Variants in RTKN2 observed in about 807,000 individuals in gnomAD.
RTKN2 encodes rhotekin-2.
A neutral mutation model predicts 71.5 loss-of-function variants in RTKN2; 69 were observed. That is an observed-to-expected ratio of 0.96 (90% CI 0.79 to 1.18). RTKN2 has a LOEUF of 1.18. Among genes scored for constraint, RTKN2 ranks in the 50% most tolerant of loss-of-function variants. The pLI is 0.00. For synonymous variants in RTKN2, 236 were observed against 236.5 expected (o/e 1.00, Z 0.02); for missense variants, 724 against 719.7 (o/e 1.01, Z -0.07).
Position 62,248,069 on chromosome 10 carries a change from T to C in RTKN2, c.258-2012A>G, listed in dbSNP as rs370898462. ...TTGCTGAATATTTACCAAGAAAAAT[T>C]TCCCCCTTCCAAACTACTCAACTAC... is the stretch of plus-strand genomic sequence containing the variant. On this transcript the variant is annotated intron_variant, in intron 2 of 11. Coordinates refer to ENST00000373789, the MANE Select transcript of RTKN2 (RefSeq NM_145307.4). 3.3e-5 allele frequency among the ~76,000 whole-genome samples: 5 copies of C among 152,156 alleles called. No homozygotes were observed. In the East Asian group the frequency reaches 9.7e-4, roughly 29 times the overall value.
chr10:62,195,660 A>T lies in RTKN2; in HGVS notation c.*2248T>A, dbSNP rs1026423196. ...GAAGGAAGGAAGGAAGGAAGGAAGG[A>T]AGGAAGGAAGGAAACCAACTCTGTA... On this transcript the variant is annotated 3_prime_UTR_variant, in exon 12 of 12. Coordinates refer to ENST00000373789, the MANE Select transcript of RTKN2 (RefSeq NM_145307.4). The T allele has an allele frequency of 1.1e-6, 1 of 888,874 alleles. No homozygotes were observed. The highest frequency in any genetic ancestry group is 6.6e-5 in the Admixed American group (1 of 15,220). 55.1% of individuals were successfully genotyped at this position (888,874 alleles called of 1,614,324 possible).
chr10:62,211,711 A>AG lies in RTKN2; in HGVS notation c.1020+5406dup, dbSNP rs1265651376. 3.3e-5 allele frequency among the ~76,000 whole-genome samples: 5 copies of AG among 152,266 alleles called. No homozygotes were observed. In the East Asian group the frequency reaches 9.6e-4, roughly 29 times the overall value. ...AGTCTCACTCTGTCACCCAGGCTGGAGTGCAGTGGCACAATCTCGGCTCAC... is the reference window on the plus strand; with the variant it reads ...AGTCTCACTCTGTCACCCAGGCTGGAGGTGCAGTGGCACAATCTCGGCTCAC... On this transcript the variant is annotated intron_variant, in intron 9 of 11. Transcript: ENST00000373789.
At position 62,194,224 on chromosome 10, in the gene RTKN2, A is replaced by G; in HGVS notation, c.*3684T>C. 7.1e-6 allele frequency: 7 copies of G among 985,022 alleles called. No individual in the cohort carries two copies. The highest frequency in any genetic ancestry group is 8.4e-6 in the Non-Finnish European group (7 of 829,530). The allele number at this position is 985,022 out of a possible 1,614,324, so 61.0% of individuals were successfully genotyped here. On this transcript the variant is annotated 3_prime_UTR_variant, in exon 12 of 12. Coordinates refer to ENST00000373789, the MANE Select transcript of RTKN2 (RefSeq NM_145307.4). ...ATTTTCAAATGATGACTTGTCTTTT[A>G]AAAACCCAAAGGTAACATCTTTCCC...
chr10:62,257,549 T>A (rs1037158766), intron 2 of RTKN2, among the ~76,000 whole-genome samples: 4 of 152,188 alleles, frequency 2.6e-5, no homozygotes, highest in Admixed American at 6.5e-5. Context: ...ACTGGAGATG[T>A]GAAAATCCAA....
rs1841563937 is a variant in RTKN2, at chr10:62,207,105, T to C, written c.1021-2083A>G. 2.0e-5 allele frequency among the ~76,000 whole-genome samples: 3 copies of C among 152,086 alleles called. No individual in the cohort carries two copies. In the South Asian group the frequency reaches 6.2e-4, roughly 31 times the overall value. Reference sequence around the variant, plus strand: ...TTTTAATAAACATTTCTGACTACTTTTTGTATAAAGGATTAAAGTGGATTC... The same window carrying C: ...TTTTAATAAACATTTCTGACTACTTCTTGTATAAAGGATTAAAGTGGATTC... On this transcript the variant is annotated intron_variant, in intron 9 of 11. Coordinates refer to ENST00000373789, the MANE Select transcript of RTKN2 (RefSeq NM_145307.4).
Position 62,241,189 on chromosome 10 carries a change from C to A in RTKN2, c.323G>T (p.Arg108Leu). The A allele has an allele frequency of 1.9e-6, 3 of 1,557,962 alleles. No homozygotes were observed. The highest frequency in any genetic ancestry group is 2.6e-6 in the Non-Finnish European group (3 of 1,138,900). ...CKGKIAISDI[R>L]IPLMWKDSDH... ...AGAGTCTTTCCACATTAGTGGTATT[C>A]GAATATCTATAAAGAAGGGAAAAAG... The change falls in exon 4 of 12, where the codon CGA becomes CTA. Residue 108 changes from arginine to leucine, a missense_variant. By Grantham distance (102) the Arg-to-Leu change is moderately radical. Coordinates refer to ENST00000373789, the MANE Select transcript of RTKN2 (RefSeq NM_145307.4).
chr10:62,223,424 C>A (rs1255704005), intron 6 of RTKN2, 92 bp from the exon 7 acceptor site: 20 of 767,518 alleles, frequency 2.6e-5, no homozygotes, highest in African/African-American at 1.0e-4. Context: ...TAATAAACAA[C>A]CTGATTTAAA....
intron 9 of RTKN2, among the ~76,000 whole-genome samples, chr10:62,206,630 T>C (rs1168937199): frequency 6.6e-6 from 1 of 152,076 alleles, no homozygotes; most frequent in Non-Finnish European, 1.5e-5. Flanking sequence ...CCTGTCACAG[T>C]AGAAATCTAG....
chr10:62,259,324 A>C, intron 2 of RTKN2: 1 of 272,360 alleles, frequency 3.7e-6, no homozygotes, highest in South Asian at 3.1e-5. Flanking sequence ...AAAATGAACT[A>C]ATACAATATC....
At chr10:62,191,776 T>TTGGA (rs1841226913), downstream of RTKN2, among the ~76,000 whole-genome samples, 1 of 152,162 alleles carries the variant, frequency 6.6e-6, no homozygotes, top group African/African-American at 2.4e-5. Context: ...CAATAAGTAT[T>TTGGA]TGGATACACT....
intron 9 of RTKN2, among the ~76,000 whole-genome samples, chr10:62,211,469 T>C (rs1402942571): frequency 2.0e-5 from 3 of 152,206 alleles, no homozygotes; most frequent in Admixed American, 6.5e-5. Context: ...AGAACTATTA[T>C]TTATATACCT....
At chr10:62,192,969 C>T (rs1304690302), downstream of RTKN2, among the ~76,000 whole-genome samples, 2 of 152,032 alleles carry the variant, frequency 1.3e-5, no homozygotes, top group African/African-American at 2.4e-5. Context: ...TATGTTATAT[C>T]TATAGTATTA....
At chr10:62,233,413 T>G (rs756163209) in intron 6 of RTKN2, among the ~76,000 whole-genome samples, 1 of 152,104 alleles carries the variant, frequency 6.6e-6, no homozygotes, top group Non-Finnish European at 1.5e-5. Context: ...GCAGAAAAGT[T>G]TTAAAGATGG....
intron 2 of RTKN2, among the ~76,000 whole-genome samples, chr10:62,258,171 T>C (rs1436550590): frequency 2.6e-5 from 4 of 152,196 alleles, no homozygotes; most frequent in African/African-American, 9.7e-5. Context: ...AGAGTAACCA[T>C]TGATTGAATT....
chr10:62,256,166 A>AC (rs1842671356), intron 2 of RTKN2, among the ~76,000 whole-genome samples: 1 of 151,992 alleles, frequency 6.6e-6, no homozygotes, highest in Non-Finnish European at 1.5e-5. Context: ...TCATAGGCAC[A>AC]CACCATCACA....
intron 6 of RTKN2, among the ~76,000 whole-genome samples, chr10:62,226,525 A>G (rs897456046): frequency 2.0e-5 from 3 of 152,236 alleles, no homozygotes; most frequent in African/African-American, 7.2e-5. Context: ...ATTTCAACAT[A>G]ACATTTTAAA....
At chr10:62,226,859 G>C (rs1336261097) in intron 6 of RTKN2, among the ~76,000 whole-genome samples, 1 of 152,230 alleles carries the variant, frequency 6.6e-6, no homozygotes, top group African/African-American at 2.4e-5. Context: ...ACTTTGGGAG[G>C]GTGAGGCAGG....
At chr10:62,232,726 G>A (rs952549131) in intron 6 of RTKN2, among the ~76,000 whole-genome samples, 18 of 151,124 alleles carry the variant, frequency 1.2e-4, no homozygotes, top group Non-Finnish European at 2.2e-4. Context: ...GTTTTAGCAT[G>A]AGTTTAAAAA....
chr10:62,265,539 A>G (rs1842853631), intron 1 of RTKN2, among the ~76,000 whole-genome samples: 1 of 151,522 alleles, frequency 6.6e-6, no homozygotes, highest in Non-Finnish European at 1.5e-5. Flanking sequence ...TGAATTGTTA[A>G]GTGTACATAT....
Sources: gnomAD v4.1 joint callset for allele counts (sites outside exome capture counted in the v4.1 genomes callset) on GRCh38, gnomAD v4.1.1 for gene constraint, MANE v1.5 for transcripts, NCBI Gene and HGNC (gene_info 2026-07-23, HGNC 2026-07-21) for gene names.